Variants in LAMA1 observed in about 807,000 individuals in gnomAD.
The protein encoded by LAMA1 is laminin subunit alpha-1.
In LAMA1, 219 loss-of-function variants were observed where a neutral mutation model predicts 348.7. The ratio of observed to expected loss-of-function variants is 0.63; its 90% CI spans 0.56 to 0.70. The LOEUF (loss-of-function observed/expected upper bound fraction) is 0.70. Ranked by LOEUF, LAMA1 falls within the 30% of genes least tolerant of loss-of-function variation. The pLI, the probability that LAMA1 is intolerant of heterozygous loss-of-function variation, is 0.00. For synonymous variants in LAMA1, 1,487 were observed against 1,491.0 expected (o/e 1.00, Z 0.06); for missense variants, 3,744 against 3,888.0 (o/e 0.96, Z 0.99).
chr18:7,109,403 G>A (rs989317078), intron 1 of LAMA1, among the ~76,000 whole-genome samples: 1 of 152,236 alleles, frequency 6.6e-6, no homozygotes, highest in Non-Finnish European at 1.5e-5. Flanking sequence ...ACTGGCTCAT[G>A]TCATTCTGGA....
intron 3 of LAMA1, among the ~76,000 whole-genome samples, chr18:7,070,048 C>T (rs879610798): frequency 1.3e-5 from 2 of 152,182 alleles, no homozygotes; most frequent in Non-Finnish European, 2.9e-5. Flanking sequence ...AATGTGAAAA[C>T]AAAAGAAAGA....
chr18:6,985,698 C>A, intron 37 of LAMA1, 55 bp from the exon 38 acceptor site: 1 of 1,058,056 alleles, frequency 9.5e-7, no homozygotes, highest in Non-Finnish European at 1.5e-6. Flanking sequence ...CTGCTTCTGA[C>A]CTTTGGTGCC....
intron 49 of LAMA1, 107 bp downstream of exon 49, chr18:6,966,040 T>C (rs1325209156): frequency 4.9e-6 from 6 of 1,220,510 alleles, no homozygotes; most frequent in Middle Eastern, 2.7e-4. Context: ...TTGTATGGTA[T>C]ACATATGTAC....
At chr18:6,982,984 T>G (rs767680295) in intron 40 of LAMA1, 115 bp downstream of exon 40, 3 of 1,355,240 alleles carry the variant, frequency 2.2e-6, no homozygotes, top group Admixed American at 1.8e-5. Flanking sequence ...CAGAAACAGA[T>G]TCCACCAGAA....
intron 1 of LAMA1, among the ~76,000 whole-genome samples, chr18:7,115,814 C>CA (rs557585224): frequency 0.016 from 1,541 of 94,802 alleles, 48 homozygotes; most frequent in Non-Finnish European, 0.019. Flanking sequence ...ACTAAAAATA[C>CA]AAAAAAAAAA....
rs770288958 is a variant in LAMA1, at chr18:6,959,425, C to A, written c.7694G>T (p.Gly2565Val). 1.2e-6 allele frequency: 2 copies of A among 1,614,064 alleles called. No homozygotes were observed. The highest frequency in any genetic ancestry group is 1.7e-5 in the Admixed American group (1 of 60,008). The change falls in exon 54 of 63, where the codon GGC becomes GTC. Residue 2565 changes from glycine (G) to valine (V), a missense_variant. Coordinates refer to ENST00000389658, the MANE Select transcript of LAMA1 (RefSeq NM_005559.4). The part of the protein sequence containing the change: ...EVHVNPGDGT[G>V]LRKALLHAPT... ...AGCGTGCAGGAGAGCTTTTCTCAGG[C>A]CTGTCCCATCCCCAGGATTGACATG...
chr18:7,018,835 G>A (rs1207366889), intron 19 of LAMA1, among the ~76,000 whole-genome samples: 1 of 152,206 alleles, frequency 6.6e-6, no homozygotes, highest in Non-Finnish European at 1.5e-5. Context: ...AAGAGTGCTG[G>A]ACATGGGACA....
In LAMA1 at chr18:7,011,337, A is replaced by AACG. The variant is rs1466338539; in HGVS notation, c.3647_3649dup (p.Pro1216_Phe1217insSer). 4 of 1,612,574 alleles carry AACG rather than the reference A, an allele frequency of 2.5e-6. No homozygotes were observed. In the Admixed American group the frequency reaches 5.0e-5, roughly 20 times the overall value. ...GAACTGCTGCGGCAGCCGCCAGTAA[A>AACG]ACGGCTCTGCACGGATGTGCTGCCG... On this transcript the variant is annotated inframe_insertion, in exon 25 of 63. Transcript: ENST00000389658.
chr18:6,997,099 C>G (rs958767591), intron 33 of LAMA1, among the ~76,000 whole-genome samples: 13 of 152,106 alleles, frequency 8.5e-5, no homozygotes, highest in African/African-American at 3.1e-4. Flanking sequence ...GAGTCTTGCT[C>G]TGTCGCCAGG....
Position 7,007,210 on chromosome 18 carries a change from C to A in LAMA1, c.4189G>T (p.Val1397Phe). The part of the protein sequence containing the change: ...AGSDRGPRPL[V>F]APCVPCSCNN... ...CAACTGCAGGGAACACAAGGAGCAA[C>A]CAGAGGGCGTGGTCCCCTGTCACTC... The change falls in exon 29 of 63, where the codon GTT (valine) becomes TTT (phenylalanine). Residue 1397 changes from valine (V) to phenylalanine (F), a missense_variant. Around this residue, in one of 3 missense-constraint regions of LAMA1, gnomAD observed 1,983 missense variants for 1,934.3 expected, o/e 1.03. Transcript: ENST00000389658. 6.2e-7 allele frequency: 1 copy of A among 1,614,128 alleles called. No individual in the cohort carries two copies. The highest frequency in any genetic ancestry group is 8.5e-7 in the Non-Finnish European group (1 of 1,180,018).
intron 41 of LAMA1, among the ~76,000 whole-genome samples, 160 bp downstream of exon 41, chr18:6,982,337 T>C (rs1366728540): frequency 1.3e-5 from 2 of 152,190 alleles, no homozygotes; most frequent in African/African-American, 2.4e-5. Flanking sequence ...AGGAAGTTTA[T>C]ACGATAGGAA....
At position 6,995,373 on chromosome 18, in the gene LAMA1, T is replaced by C. The variant is rs748754161; in HGVS notation, c.4880A>G (p.Asp1627Gly). The C allele has an allele frequency of 2.7e-5, 44 of 1,612,996 alleles. 2 individuals carry two copies. The South Asian group carries it at 4.6e-4, about 17-fold the overall frequency. The change falls in exon 34 of 63, where the codon GAC becomes GGC. Residue 1627 changes from aspartate (D) to glycine (G), a missense_variant. By Grantham distance (94) the Asp-to-Gly change is moderately conservative. Around this residue, in one of 3 missense-constraint regions of LAMA1, gnomAD observed 1,983 missense variants for 1,934.3 expected, o/e 1.03. Coordinates refer to ENST00000389658, the MANE Select transcript of LAMA1 (RefSeq NM_005559.4). The stretch of plus-strand genomic sequence containing the variant: ...AGAATTTACCTTCTTTTGCAGGTTG[T>C]CCGTTTCTTCTGCAACACCTTCAAG... ...IKLEGVAEETDNLQKKLTRML... is the reference protein window; with the variant it reads ...IKLEGVAEETGNLQKKLTRML...
At chr18:7,040,984 G>T (rs536173) in intron 9 of LAMA1, among the ~76,000 whole-genome samples, 44,311 of 152,030 alleles carry the variant, frequency 0.29, 8,250 homozygotes, top group African/African-American at 0.53. Context: ...GCCGGGAGAA[G>T]GGGCTGGAGG....
At chr18:7,010,179 A>C (rs1303549791) in intron 26 of LAMA1, 21 bp downstream of exon 26, 1 of 1,612,738 alleles carries the variant, frequency 6.2e-7, no homozygotes, top group African/African-American at 1.3e-5. Context: ...AGGAACTTCT[A>C]TGAAAAGATC....
chr18:7,070,447 C>T (rs1164318897), intron 3 of LAMA1, among the ~76,000 whole-genome samples: 1 of 152,108 alleles, frequency 6.6e-6, no homozygotes, highest in African/African-American at 2.4e-5. Context: ...TGTGAAATTT[C>T]CCTATTTTCT....
At chr18:7,089,669 C>T (rs1280154126) in intron 1 of LAMA1, among the ~76,000 whole-genome samples, 1 of 152,212 alleles carries the variant, frequency 6.6e-6, no homozygotes, top group Non-Finnish European at 1.5e-5. Flanking sequence ...TTTTATTTCT[C>T]CTGGGGAATA....
chr18:6,955,305 T>C (rs750568036), intron 57 of LAMA1, 48 bp downstream of exon 57: 3 of 1,404,348 alleles, frequency 2.1e-6, no homozygotes, highest in Non-Finnish European at 3.0e-6. Flanking sequence ...AACACCCCCA[T>C]ACATCTAGCA....
intron 1 of LAMA1, among the ~76,000 whole-genome samples, chr18:7,114,319 T>C (rs1473839553): frequency 1.3e-5 from 2 of 152,158 alleles, no homozygotes; most frequent in African/African-American, 2.4e-5. Flanking sequence ...ATTTTATAGA[T>C]AGAAAGCTGA....
In LAMA1 at chr18:6,978,271, T is replaced by A. The variant is rs775066516; in HGVS notation, c.6115A>T (p.Thr2039Ser). 2.5e-6 allele frequency: 4 copies of A among 1,614,212 alleles called. No individual in the cohort carries two copies. Among genetic ancestry groups the A allele is most frequent in the Non-Finnish European group, 3.4e-6 (4 of 1,180,042 alleles). The change falls in exon 43 of 63, where the codon ACA (threonine) becomes TCA (serine). Residue 2039 changes from threonine to serine, a missense_variant. Thr to Ser is a moderately conservative substitution (Grantham distance 58). Transcript: ENST00000389658. The stretch of plus-strand genomic sequence containing the variant: ...TTGACCCTGGACAGGCTGGCAGATG[T>A]GTTCAGCAGCTCCTGGCTCAGCCCC... The part of the protein sequence containing the change: ...VAGLSQELLN[T>S]SASLSRVNTT...
Sources: allele counts gnomAD v4.1 joint callset (sites outside exome capture counted in the v4.1 genomes callset), GRCh38; gene constraint gnomAD v4.1.1; regional missense constraint gnomAD v4.1.1; transcripts MANE v1.5; gene names NCBI Gene and HGNC (gene_info 2026-07-23, HGNC 2026-07-21).